ANO2: variants seen among roughly 807,000 people sequenced by gnomAD.
ANO2 encodes anoctamin-2.
ANO2 carries 101 observed loss-of-function variants against 124.2 expected under a neutral mutation model. That is an observed-to-expected ratio of 0.81 (90% confidence interval 0.69 to 0.96). The LOEUF is 0.96. ANO2 is among the 40% of genes least tolerant of loss of function. The pLI, the probability that ANO2 is intolerant of heterozygous loss-of-function variation, is 0.00. For missense variants in ANO2, 1,293 were observed against 1,274.5 expected, an observed-to-expected ratio of 1.01 and a Z score of -0.22; for synonymous variants, 486 against 482.5, an observed-to-expected ratio of 1.01 and a Z score of -0.09.
chr12:5,929,181 T>G (rs1249922357), intron 1 of ANO2, among the ~76,000 whole-genome samples: 16 of 125,486 alleles, frequency 1.3e-4, no homozygotes, highest in African/African-American at 5.3e-4. Context: ...CCTTCCTTAC[T>G]AGTCTACCTT....
intron 12 of ANO2, among the ~76,000 whole-genome samples, chr12:5,743,217 T>C (rs1252131158): frequency 6.6e-6 from 1 of 151,530 alleles, no homozygotes; most frequent in Non-Finnish European, 1.5e-5. Context: ...CATCCTGGCA[T>C]ATCCTCTGGG....
intron 10 of ANO2, among the ~76,000 whole-genome samples, chr12:5,763,548 T>C (rs1951797023): frequency 6.6e-6 from 1 of 151,708 alleles, no homozygotes. Flanking sequence ...CCAGAAAGAG[T>C]CTGGAAACAA....
At chr12:5,599,455 C>T in intron 20 of ANO2, 29 bp downstream of exon 20, 1 of 1,580,600 alleles carries the variant, frequency 6.3e-7, no homozygotes, top group South Asian at 1.2e-5. Context: ...AACCTGCCCC[C>T]AGTGGAAGGC....
In ANO2 at chr12:5,876,465, C is replaced by A. The variant is rs560731815; in HGVS notation, c.535-22324G>T. On this transcript the variant is annotated intron_variant, in intron 3 of 24. Coordinates refer to ENST00000682330, the MANE Select transcript of ANO2 (RefSeq NM_001364791.2). ...GAACCAGAAACATCATTTGACGCAG[C>A]AATCCTATTACTGGGTATAAACGCA... is the stretch of plus-strand genomic sequence containing the variant. Among the ~76,000 whole-genome samples, 19 of 152,276 alleles carry A rather than the reference C, an allele frequency of 1.2e-4. No individual in the cohort carries two copies. The South Asian group carries it at 3.9e-3, about 32-fold the overall frequency.
chr12:5,779,415 C>G (rs1227438883), intron 10 of ANO2, among the ~76,000 whole-genome samples: 3 of 152,152 alleles, frequency 2.0e-5, no homozygotes, highest in Admixed American at 1.3e-4. Flanking sequence ...GTTTTAGAAA[C>G]AGGGACAAAA....
intron 5 of ANO2, 67 bp downstream of exon 5, chr12:5,832,385 T>C (rs1954179592): frequency 1.3e-6 from 2 of 1,588,762 alleles, no homozygotes; most frequent in Non-Finnish European, 1.7e-6. Flanking sequence ...GGCTGAGTCA[T>C]AGAACAGTAT....
chr12:5,613,053 C>T (rs1944624922), intron 17 of ANO2, 95 bp from the exon 18 acceptor site: 2 of 1,267,338 alleles, frequency 1.6e-6, no homozygotes, highest in Non-Finnish European at 2.3e-6. Flanking sequence ...CCACCACTGT[C>T]CTCTTCGAAA....
intron 20 of ANO2, among the ~76,000 whole-genome samples, chr12:5,590,332 G>A (rs1943333130): frequency 6.6e-6 from 1 of 152,194 alleles, no homozygotes; most frequent in Admixed American, 6.5e-5. Flanking sequence ...CAGCTCTAGA[G>A]GAAAGATCGT....
At chr12:5,703,615 C>G (rs1949490209) in intron 14 of ANO2, among the ~76,000 whole-genome samples, 1 of 152,170 alleles carries the variant, frequency 6.6e-6, no homozygotes, top group Non-Finnish European at 1.5e-5. Context: ...TCATGGCTCA[C>G]TGCAGCCTCT....
Position 5,925,542 on chromosome 12 carries a change from G to A in ANO2, c.23-2738C>T, listed in dbSNP as rs758120707. ...CTTCAGACGTGAGAGGAAGGCCAAG[G>A]GGAACGCGAGTGACGCCTGCCCTCA... is the stretch of plus-strand genomic sequence containing the variant. On this transcript the variant is annotated intron_variant, in intron 1 of 24. Transcript: ENST00000682330. This position sits in a 1 kb window ranked among gnomAD's most constrained non-coding sequence, Gnocchi z 4.6. 2.0e-5 allele frequency among the ~76,000 whole-genome samples: 3 copies of A among 152,176 alleles called. No individual in the cohort carries two copies. Among genetic ancestry groups the A allele is most frequent in the Non-Finnish European group, 4.4e-5 (3 of 68,018 alleles).
At chr12:5,892,788 G>A (rs1196273229) in intron 3 of ANO2, among the ~76,000 whole-genome samples, 2 of 151,980 alleles carry the variant, frequency 1.3e-5, no homozygotes, top group Non-Finnish European at 2.9e-5. Flanking sequence ...AAATTCTTCA[G>A]AAAAAAGGAA....
chr12:5,930,039 C>G (rs200430057), intron 1 of ANO2, among the ~76,000 whole-genome samples: 20 of 109,396 alleles, frequency 1.8e-4, no homozygotes, highest in East Asian at 9.1e-4. Flanking sequence ...TAGTCACTTT[C>G]TTACCAGTCT....
At chr12:5,840,298 T>C (rs1954473267) in intron 4 of ANO2, among the ~76,000 whole-genome samples, 1 of 152,220 alleles carries the variant, frequency 6.6e-6, no homozygotes, top group Non-Finnish European at 1.5e-5. Context: ...TGGGCCTCAC[T>C]GTTACAGTCT....
intron 20 of ANO2, among the ~76,000 whole-genome samples, chr12:5,581,315 G>C (rs1942745748): frequency 6.6e-6 from 1 of 152,190 alleles, no homozygotes; most frequent in Non-Finnish European, 1.5e-5. Context: ...AAACTCCCCA[G>C]AGCCTCCGCA....
chr12:5,796,323 C>T (rs993315974), intron 10 of ANO2, among the ~76,000 whole-genome samples: 4 of 151,372 alleles, frequency 2.6e-5, no homozygotes, highest in African/African-American at 9.7e-5. Flanking sequence ...TCCCTGCTCA[C>T]ACTCACACAC....
rs1239448255 is a variant in ANO2, at chr12:5,769,001, C to A, written c.1056-18031G>T. ...AGTACAGTAACAAGAGGGCTGGGCT[C>A]GGGATGGCAGCGCTGTGGAAGCTGG... On this transcript the variant is annotated intron_variant, in intron 10 of 24. Transcript: ENST00000682330. The surrounding 1 kb of genome is among the most constrained non-coding windows in gnomAD (Gnocchi z 4.0). Among the ~76,000 whole-genome samples the A allele has an allele frequency of 6.6e-6, 1 of 152,228 alleles. No homozygotes were observed. Among genetic ancestry groups the A allele is most frequent in the Admixed American group, 6.5e-5 (1 of 15,306 alleles).
intron 10 of ANO2, among the ~76,000 whole-genome samples, chr12:5,792,449 T>C (rs533771021): frequency 6.6e-6 from 1 of 152,358 alleles, no homozygotes; most frequent in East Asian, 1.9e-4. Flanking sequence ...ATGTTTTCTT[T>C]AGGTGTGATG....
chr12:5,582,642 C>T (rs181908471), intron 20 of ANO2, among the ~76,000 whole-genome samples: 1 of 152,236 alleles, frequency 6.6e-6, no homozygotes, highest in African/African-American at 2.4e-5. Flanking sequence ...TATCCAGAAC[C>T]ATTTCCTCCC....
chr12:5,852,627 T>C (rs1257623754), intron 4 of ANO2, among the ~76,000 whole-genome samples: 1 of 152,136 alleles, frequency 6.6e-6, no homozygotes, highest in Non-Finnish European at 1.5e-5. Flanking sequence ...AAAATGGTGT[T>C]GGCCAACAAT....
Sources: gnomAD v4.1 joint callset for allele counts (sites outside exome capture counted in the v4.1 genomes callset) on GRCh38, gnomAD v4.1.1 for gene constraint, Gnocchi (gnomAD v3.1) non-coding constraint, MANE v1.5 for transcripts, NCBI Gene and HGNC (gene_info 2026-07-23, HGNC 2026-07-21) for gene names.